Variants in PCSK6 observed in about 807,000 individuals in gnomAD.
The protein encoded by PCSK6 is paired basic amino acid cleaving enzyme 4.
PCSK6 carries 85 observed loss-of-function variants against 123.3 expected under a neutral mutation model. The observed-to-expected ratio is 0.69, with a 90% CI of 0.58 to 0.83. The LOEUF (loss-of-function observed/expected upper bound fraction) is 0.83, where lower values mean the gene tolerates loss of function less well. Ranked by LOEUF, PCSK6 falls within the 40% of genes least tolerant of loss-of-function variation. The probability of loss-of-function intolerance (pLI) is 0.00; values close to 1 mark genes in which losing one functional copy is unlikely to be tolerated. For synonymous variants in PCSK6, 508 were observed against 516.0 expected (o/e 0.98, Z 0.21); for missense variants, 1,191 against 1,282.3 (o/e 0.93, Z 1.09).
Position 101,489,401 on chromosome 15 carries a change from C to A in PCSK6, c.270G>T (p.Ala90=), listed in dbSNP as rs1375523654. ...GGPAEADRVA[A]AHGYLNLGQI... is the part of the protein sequence containing the mutation. The stretch of plus-strand genomic sequence containing the variant: ...GGCCCAAGTTGAGGTACCCGTGCGC[C>A]GCCGCCACGCGGTCCGCCTCGGCCG... The change falls in exon 1 of 22, where the codon GCG becomes GCT. Residue 90 remains alanine, a synonymous_variant. Transcript: ENST00000611716. 2.4e-6 allele frequency: 3 copies of A among 1,273,058 alleles called. No individual in the cohort carries two copies. Among genetic ancestry groups the A allele is most frequent in the Non-Finnish European group, 1.0e-6 (1 of 995,472 alleles). The allele number at this position is 1,273,058 out of a possible 1,614,324, so 78.9% of individuals were successfully genotyped here.
At chr15:101,408,838 T>C (rs941638220) in intron 6 of PCSK6, among the ~76,000 whole-genome samples, 2 of 152,178 alleles carry the variant, frequency 1.3e-5, no homozygotes, top group Admixed American at 6.5e-5. Context: ...AATTAACCAA[T>C]TTATGGGCAT....
At chr15:101,417,963 T>C (rs531239327) in intron 6 of PCSK6, among the ~76,000 whole-genome samples, 1 of 152,108 alleles carries the variant, frequency 6.6e-6, no homozygotes, top group South Asian at 2.1e-4. Flanking sequence ...AAAAACCTAT[T>C]TTATTAAAAA....
intron 1 of PCSK6, 43 bp from the exon 2 acceptor site, chr15:101,443,703 G>C (rs760667587): frequency 4.2e-6 from 6 of 1,430,160 alleles, no homozygotes; most frequent in Non-Finnish European, 5.9e-6. Context: ...ATAGTCTCAC[G>C]AACAGCTTCC....
rs898041091 is a variant in PCSK6, at chr15:101,396,520, G to A, written c.996+1884C>T. On this transcript the variant is annotated intron_variant, in intron 7 of 21. Coordinates refer to ENST00000611716, the MANE Select transcript of PCSK6 (RefSeq NM_002570.5). ...GCCCTCCAGCTTACCCACCCTCTCC[G>A]AAGCTTAAATTCAGCTTAATTTTTA... Among the ~76,000 whole-genome samples the A allele has an allele frequency of 4.0e-5, 6 of 151,480 alleles. No individual in the cohort carries two copies. In the South Asian group the frequency reaches 6.3e-4, roughly 16 times the overall value.
Position 101,480,072 on chromosome 15 carries a change from G to T in PCSK6, c.297+9302C>A, listed in dbSNP as rs78899115. Among the ~76,000 whole-genome samples the T allele has an allele frequency of 1.0e-3, 159 of 152,348 alleles. 1 individual carries two copies. The East Asian group carries it at 0.027, about 26-fold the overall frequency. ...GTCTGGAAGTCCAGGTTCCTTGCAG[G>T]AACGTGAGTGATGCCATTACCCACT... On this transcript the variant is annotated intron_variant, in intron 1 of 21. Coordinates refer to ENST00000611716, the MANE Select transcript of PCSK6 (RefSeq NM_002570.5).
rs77678879 is a variant in PCSK6, at chr15:101,375,797, G to A, written c.1533-5274C>T. On this transcript the variant is annotated intron_variant, in intron 11 of 21. Coordinates refer to ENST00000611716, the MANE Select transcript of PCSK6 (RefSeq NM_002570.5). ...CGGCTGCAATCCCAGCACTTTGAGA[G>A]GCTGAGGTGGGTGAATCACTTGAGG... Among the ~76,000 whole-genome samples the A allele has an allele frequency of 0.014, 2,095 of 152,294 alleles. 135 individuals carry two copies. The East Asian group carries it at 0.2, about 14-fold the overall frequency.
chr15:101,449,394 C>T (rs892688811), intron 1 of PCSK6, among the ~76,000 whole-genome samples: 3 of 152,004 alleles, frequency 2.0e-5, no homozygotes, highest in Admixed American at 6.6e-5. Flanking sequence ...AGACAGCCAA[C>T]TGCATATGTA....
At chr15:101,342,813 A>G (rs2040647004) in intron 13 of PCSK6, among the ~76,000 whole-genome samples, 1 of 152,128 alleles carries the variant, frequency 6.6e-6, no homozygotes, top group Non-Finnish European at 1.5e-5. Context: ...AAGGCAGGAG[A>G]ATCGTTTGAA....
chr15:101,408,627 T>G (rs1232556662), intron 6 of PCSK6, among the ~76,000 whole-genome samples: 1 of 152,104 alleles, frequency 6.6e-6, no homozygotes, highest in Non-Finnish European at 1.5e-5. Flanking sequence ...GAACACCCGC[T>G]CCCTGACAGC....
intron 19 of PCSK6, among the ~76,000 whole-genome samples, chr15:101,315,506 G>GAAA (rs2039969389): frequency 6.6e-6 from 1 of 152,248 alleles, no homozygotes; most frequent in Admixed American, 6.5e-5. Flanking sequence ...GTTGTTTGCG[G>GAAA]GGCCCAGTAT....
intron 13 of PCSK6, among the ~76,000 whole-genome samples, chr15:101,358,030 C>T (rs777615603): frequency 1.3e-5 from 2 of 152,188 alleles, no homozygotes; most frequent in Non-Finnish European, 2.9e-5. Context: ...GGAGTTAGGG[C>T]AGGTCATCGC....
chr15:101,378,460 C>A (rs147953135), intron 11 of PCSK6, among the ~76,000 whole-genome samples: 1 of 152,362 alleles, frequency 6.6e-6, no homozygotes, highest in African/African-American at 2.4e-5. Flanking sequence ...CCTCTCGCCT[C>A]TGCATTTAGC....
chr15:101,362,630 G>A (rs376276304), intron 13 of PCSK6, among the ~76,000 whole-genome samples: 11 of 152,162 alleles, frequency 7.2e-5, no homozygotes, highest in African/African-American at 1.9e-4. Flanking sequence ...AGCTGCCAAC[G>A]TCGCTGTGTG....
chr15:101,425,032 G>C (rs1427089468), intron 6 of PCSK6, among the ~76,000 whole-genome samples: 2 of 152,164 alleles, frequency 1.3e-5, no homozygotes, highest in Non-Finnish European at 2.9e-5. Flanking sequence ...AAGTTAAAGG[G>C]GCAGGTAGGA....
chr15:101,316,910 GTTTTT>G lies in PCSK6; in HGVS notation c.2569+1404_2569+1408del, dbSNP rs57613156. ...ACTGGTTTAGCAGAGACTTAATTCT[GTTTTT>G]TTTTTTTTTTTTTTGACAGAGTCTT... On this transcript the variant is annotated intron_variant, in intron 19 of 21. Transcript: ENST00000611716. Among the ~76,000 whole-genome samples the G allele has an allele frequency of 1.4e-3, 164 of 114,932 alleles. 2 individuals carry two copies. Among genetic ancestry groups the G allele is most frequent in the African/African-American group, 5.5e-3 (139 of 25,392 alleles). The allele number at this position is 114,932 out of a possible 152,430, so 75.4% of individuals were successfully genotyped here.
chr15:101,377,548 T>C (rs893302691), intron 11 of PCSK6, among the ~76,000 whole-genome samples: 1 of 152,222 alleles, frequency 6.6e-6, no homozygotes, highest in African/African-American at 2.4e-5. Flanking sequence ...GGGATTTTTA[T>C]ATAAAGTGCT....
intron 6 of PCSK6, among the ~76,000 whole-genome samples, chr15:101,414,098 C>T (rs985447266): frequency 2.6e-5 from 4 of 152,090 alleles, no homozygotes; most frequent in African/African-American, 7.2e-5. Flanking sequence ...GACAAAGAGA[C>T]GCCCCTTGTC....
chr15:101,355,852 T>C (rs370559248), intron 13 of PCSK6, among the ~76,000 whole-genome samples: 1 of 152,202 alleles, frequency 6.6e-6, no homozygotes, highest in East Asian at 1.9e-4. Context: ...TGCCTTGTCG[T>C]TCAGGTGCAA....
intron 11 of PCSK6, among the ~76,000 whole-genome samples, chr15:101,377,614 C>T (rs939217386): frequency 1.3e-5 from 2 of 152,234 alleles, no homozygotes; most frequent in African/African-American, 2.4e-5. Context: ...CATTATCTCT[C>T]ATCCACAGCC....
Sources: allele counts gnomAD v4.1 joint callset (sites outside exome capture counted in the v4.1 genomes callset), GRCh38; gene constraint gnomAD v4.1.1; transcripts MANE v1.5; gene names NCBI Gene and HGNC (gene_info 2026-07-23, HGNC 2026-07-21).